The following BLK variants were observed in gnomAD, a reference collection of about 807,000 sequenced individuals.
The protein encoded by BLK is tyrosine-protein kinase Blk.
In BLK, 64 loss-of-function variants were observed where a neutral mutation model predicts 61.8. The observed-to-expected ratio is 1.03, with a 90% CI of 0.85 to 1.27. The LOEUF is 1.27. BLK is among the 50% of genes most tolerant of loss of function. The pLI, the probability that BLK is intolerant of heterozygous loss-of-function variation, is 0.00. For missense variants in BLK, 853 were observed against 660.5 expected, an observed-to-expected ratio of 1.29 and a Z score of -3.19; for synonymous variants, 351 against 272.0, an observed-to-expected ratio of 1.29 and a Z score of -2.86.
rs532332545 is a variant in BLK, at chr8:11,559,963, T to A, written c.1030-1339T>A. On this transcript the variant is annotated intron_variant, in intron 10 of 12. Coordinates refer to ENST00000259089, the MANE Select transcript of BLK (RefSeq NM_001715.3). ...GATCTGGGCCCTACTCAACATTTTTTAAAATATATTTCTGGTACTGTTCAA... is the reference window on the plus strand; with the variant it reads ...GATCTGGGCCCTACTCAACATTTTTAAAAATATATTTCTGGTACTGTTCAA... 1.9e-3 allele frequency: 719 copies of A among 386,224 alleles called. 3 individuals are homozygous for A. The highest frequency in any genetic ancestry group is 4.7e-3 in the South Asian group (237 of 50,942). 23.9% of individuals were successfully genotyped at this position (386,224 alleles called of 1,614,324 possible). A position where few individuals can be genotyped will look rare whatever the true frequency, so the allele number is the denominator to read the frequency against.
At chr8:11,501,269 G>C (rs1232118059) in intron 1 of BLK, among the ~76,000 whole-genome samples, 3 of 151,762 alleles carry the variant, frequency 2.0e-5, no homozygotes, top group African/African-American at 7.3e-5. Flanking sequence ...CCTTTAAAAA[G>C]TATTACACAC....
chr8:11,554,328 T>C (rs540591274), intron 6 of BLK: 1 of 277,046 alleles, frequency 3.6e-6, no homozygotes, highest in African/African-American at 2.2e-5. Context: ...GGCTATCTGC[T>C]TGTAGGAGTA....
chr8:11,496,285 T>C (rs866648911), intron 1 of BLK, among the ~76,000 whole-genome samples: 2 of 152,344 alleles, frequency 1.3e-5, no homozygotes, highest in Middle Eastern at 3.4e-3. Flanking sequence ...TTGCCCAGGC[T>C]GGAGTGCAGT....
At chr8:11,525,433 C>T (rs76580547) in intron 1 of BLK, among the ~76,000 whole-genome samples, 3,073 of 152,192 alleles carry the variant, frequency 0.02, 96 homozygotes, top group African/African-American at 0.07. Context: ...TAATAGACTC[C>T]TTTTTTTAAA....
intron 1 of BLK, among the ~76,000 whole-genome samples, chr8:11,507,499 G>T (rs1190367443): frequency 6.6e-6 from 1 of 152,210 alleles, no homozygotes; most frequent in African/African-American, 2.4e-5. Context: ...GGGCTTTTGG[G>T]AGCTTTTAAA....
At chr8:11,514,783 G>C (rs1799157651) in intron 1 of BLK, among the ~76,000 whole-genome samples, 1 of 152,138 alleles carries the variant, frequency 6.6e-6, no homozygotes, top group Admixed American at 6.5e-5. Context: ...TCAGAATGGG[G>C]GTGAGAGGTA....
chr8:11,494,717 C>A (rs897198358), intron 1 of BLK, 126 bp downstream of exon 1: 3 of 152,246 alleles, frequency 2.0e-5, no homozygotes, highest in African/African-American at 7.2e-5. Context: ...GAGGAAGAGG[C>A]ATGAATGGAT....
chr8:11,533,047 C>T (rs183221098), intron 1 of BLK, among the ~76,000 whole-genome samples: 2 of 152,246 alleles, frequency 1.3e-5, no homozygotes, highest in East Asian at 3.9e-4. Flanking sequence ...AGTAAAATGC[C>T]CAGCCTTGAG....
At chr8:11,504,765 G>C (rs1354750568) in intron 1 of BLK, among the ~76,000 whole-genome samples, 1 of 152,222 alleles carries the variant, frequency 6.6e-6, no homozygotes, top group East Asian at 1.9e-4. Context: ...TGATAAGGGT[G>C]CTGGCATATT....
chr8:11,548,145 T>A lies in BLK; in HGVS notation c.269+20T>A, dbSNP rs773277622. The A allele has an allele frequency of 2.5e-6, 4 of 1,590,588 alleles. No individual in the cohort carries two copies. Among genetic ancestry groups the A allele is most frequent in the Non-Finnish European group, 3.4e-6 (4 of 1,160,444 alleles). Reference sequence around the variant, plus strand: ...GAAGGGGTGAGGTTCCAGGACACCATCCCCTGTCCCTGCAGGACCCCCCTC... The same window carrying A: ...GAAGGGGTGAGGTTCCAGGACACCAACCCCTGTCCCTGCAGGACCCCCCTC... On this transcript the variant is annotated intron_variant, in intron 4 of 12. Coordinates refer to ENST00000259089, the MANE Select transcript of BLK (RefSeq NM_001715.3).
chr8:11,539,476 C>T (rs1800277974), intron 1 of BLK, among the ~76,000 whole-genome samples: 1 of 152,054 alleles, frequency 6.6e-6, no homozygotes, highest in East Asian at 1.9e-4. Context: ...GTTTTTCCAA[C>T]TATTACTACA....
chr8:11,553,465 C>CGG (rs1801014755), intron 6 of BLK: 1 of 404,218 alleles, frequency 2.5e-6, no homozygotes, highest in African/African-American at 2.1e-5. Flanking sequence ...CCATCAGGGA[C>CGG]GGGGCCTCAG....
intron 5 of BLK, chr8:11,549,941 C>G (rs1422682986): frequency 1.2e-5 from 7 of 591,896 alleles, no homozygotes; most frequent in African/African-American, 1.9e-5. Context: ...TCTAGGAAAA[C>G]AGTGAGTCCA....
chr8:11,528,441 G>C, intron 1 of BLK, among the ~76,000 whole-genome samples: 1 of 152,226 alleles, frequency 6.6e-6, no homozygotes, highest in East Asian at 1.9e-4. Context: ...AAGCAAGATG[G>C]AGTCAGCCAT....
rs78530385 is a variant in BLK, at chr8:11,503,483, C to T, written c.-2+8892C>T. Among the ~76,000 whole-genome samples the T allele has an allele frequency of 5.8e-3, 879 of 152,272 alleles. 15 individuals are homozygous for T. The highest frequency in any genetic ancestry group is 0.02 in the African/African-American group (828 of 41,564). The stretch of plus-strand genomic sequence containing the variant: ...TCACCTGCCCCTGTGTCAGGTGGGA[C>T]GTGAGATGCTCTATTTTTTTCTGCT... On this transcript the variant is annotated intron_variant, in intron 1 of 12. Transcript: ENST00000259089.
chr8:11,497,061 G>A (rs2250412), intron 1 of BLK, among the ~76,000 whole-genome samples: 125,131 of 152,010 alleles, frequency 0.82, 51,692 homozygotes, highest in Admixed American at 0.86. Flanking sequence ...CCAGCAGAGC[G>A]GGTGAGCCCT....
intron 6 of BLK, among the ~76,000 whole-genome samples, chr8:11,553,881 C>T (rs1334596619): frequency 6.6e-6 from 1 of 152,162 alleles, no homozygotes; most frequent in Non-Finnish European, 1.5e-5. Context: ...AACAGGACCG[C>T]GGAAAACCAA....
Position 11,556,651 on chromosome 8 carries a change from G to T in BLK, c.773-7G>T. The T allele has an allele frequency of 6.2e-7, 1 of 1,614,024 alleles. No homozygotes were observed. ...TCTGATTGGCTTCTTCACTCCCCCG[G>T]GCTCAGGTTACTACAAAAACAACAT... On this transcript the variant is annotated splice_polypyrimidine_tract_variant and splice_region_variant and intron_variant, in intron 8 of 12. Transcript: ENST00000259089.
intron 1 of BLK, among the ~76,000 whole-genome samples, chr8:11,534,535 C>A (rs1201862736): frequency 6.6e-6 from 1 of 152,164 alleles, no homozygotes; most frequent in African/African-American, 2.4e-5. Flanking sequence ...TGACTTAACA[C>A]AGCTTTATAA....
Sources: allele counts gnomAD v4.1 joint callset (sites outside exome capture counted in the v4.1 genomes callset), GRCh38; gene constraint gnomAD v4.1.1; transcripts MANE v1.5; gene names NCBI Gene and HGNC (gene_info 2026-07-23, HGNC 2026-07-21).